FAM107A: variants seen among roughly 807,000 people sequenced by gnomAD.
FAM107A encodes the protein family with sequence similarity 107 member A, also known as actin-associated protein FAM107A.
In FAM107A, 19 loss-of-function variants were observed where a neutral mutation model predicts 13.7. The ratio of observed to expected loss-of-function variants is 1.38; its 90% confidence interval spans 0.97 to 2.03. FAM107A has a LOEUF of 2.03. Ranked by LOEUF, FAM107A falls within the 30% of genes most tolerant of loss-of-function variation. The pLI, the probability that FAM107A is intolerant of heterozygous loss-of-function variation, is 0.00. For synonymous variants in FAM107A, 82 were observed against 74.5 expected (o/e 1.10, Z -0.52); for missense variants, 203 against 184.4 (o/e 1.10, Z -0.58).
intron 1 of FAM107A, among the ~76,000 whole-genome samples, chr3:58,575,098 G>C (rs1224429167): frequency 6.6e-6 from 1 of 152,202 alleles, no homozygotes; most frequent in African/African-American, 2.4e-5. Context: ...CCTCTCCACT[G>C]TTCTGGTAGT....
At chr3:58,587,058 A>C in exon 1 of FAM107A, 1 of 1,365,656 alleles carries the variant, frequency 7.3e-7, no homozygotes, top group Non-Finnish European at 9.4e-7. Flanking sequence ...AACCCCGCTG[A>C]GGGTCAAGTT....
chr3:58,601,656 T>C (rs976862251), intron 1 of FAM107A, among the ~76,000 whole-genome samples: 1 of 152,214 alleles, frequency 6.6e-6, no homozygotes, highest in Non-Finnish European at 1.5e-5. Flanking sequence ...GAGGGTAAAT[T>C]CTTACCATTG....
chr3:58,613,033 C>T lies in FAM107A; in HGVS notation c.-70+14383G>A, dbSNP rs148201192. 2.4e-4 allele frequency among the ~76,000 whole-genome samples: 37 copies of T among 152,244 alleles called. No individual in the cohort carries two copies. Among genetic ancestry groups the T allele is most frequent in the African/African-American group, 7.7e-4 (32 of 41,544 alleles). Reference sequence around the variant, plus strand: ...CTGCTGTCCTTCCCGTTACCTCCTCCAATGGGGCTTCAGTCACCACCTCTC... The same window carrying T: ...CTGCTGTCCTTCCCGTTACCTCCTCTAATGGGGCTTCAGTCACCACCTCTC... On this transcript the variant is annotated intron_variant, in intron 1 of 3. Coordinates refer to the FAM107A transcript ENST00000465970. The surrounding 1 kb of genome is among the most constrained non-coding windows in gnomAD (Gnocchi z 4.6).
intron 1 of FAM107A, among the ~76,000 whole-genome samples, chr3:58,576,537 T>G (rs1047231236): frequency 6.6e-6 from 1 of 152,194 alleles, no homozygotes; most frequent in African/African-American, 2.4e-5. Flanking sequence ...CCACTCAGGA[T>G]CTAAGCCACC....
At chr3:58,580,020 AC>A (rs1447248148), upstream of FAM107A, among the ~76,000 whole-genome samples, 1 of 152,192 alleles carries the variant, frequency 6.6e-6, no homozygotes, top group Non-Finnish European at 1.5e-5. Context: ...TTGTTACAGC[AC>A]CATCTTGCTG....
rs550505486 is a variant in FAM107A, at chr3:58,593,900, T to G, written c.-69-4631A>C. On this transcript the variant is annotated intron_variant, in intron 1 of 3. Transcript: ENST00000465970. The stretch of plus-strand genomic sequence containing the variant: ...GATTTGTTGAGAACTGCCCAGACAT[T>G]TCGCACCAACAAGCTGCCACACTTA... Among the ~76,000 whole-genome samples, 11 of 152,302 alleles carry G rather than the reference T, an allele frequency of 7.2e-5. 2 individuals are homozygous for G. Among genetic ancestry groups the G allele is most frequent in the Admixed American group, 3.9e-4 (6 of 15,304 alleles).
At chr3:58,618,076 G>T (rs966209474) in intron 1 of FAM107A, among the ~76,000 whole-genome samples, 4 of 152,174 alleles carry the variant, frequency 2.6e-5, no homozygotes, top group African/African-American at 9.7e-5. Flanking sequence ...TTCCATGGAA[G>T]TTCAATTATT....
intron 1 of FAM107A, among the ~76,000 whole-genome samples, chr3:58,619,611 A>T (rs9849576): frequency 0.13 from 19,373 of 152,148 alleles, 1,330 homozygotes; most frequent in African/African-American, 0.15. Context: ...GTCCCCCTTC[A>T]GTGCCCCAGG....
Position 58,602,561 on chromosome 3 carries a change from C to T in FAM107A, c.-69-13292G>A, listed in dbSNP as rs116969144. On this transcript the variant is annotated intron_variant, in intron 1 of 3. Transcript: ENST00000465970. ...AAAGATCGGCAATATGGTAAACGTC[C>T]AGCGATAGGGGATTGATTAAATTGT... Among the ~76,000 whole-genome samples, 21 of 152,260 alleles carry T rather than the reference C, an allele frequency of 1.4e-4. No individual in the cohort carries two copies. The East Asian group carries it at 4.0e-3, about 29-fold the overall frequency.
chr3:58,605,786 G>A (rs1204141070), intron 1 of FAM107A, among the ~76,000 whole-genome samples: 1 of 152,128 alleles, frequency 6.6e-6, no homozygotes, highest in Non-Finnish European at 1.5e-5. Context: ...AAATGCTTAA[G>A]CCTTCACTGA....
chr3:58,566,832 G>C (rs2063626642), intron 3 of FAM107A, 137 bp from the exon 4 acceptor site: 1 of 679,166 alleles, frequency 1.5e-6, no homozygotes, highest in Admixed American at 2.4e-5. Flanking sequence ...CTATCAGCCT[G>C]GTAGCTGGGG....
At chr3:58,599,927 C>T (rs1251910031) in intron 1 of FAM107A, among the ~76,000 whole-genome samples, 5 of 151,860 alleles carry the variant, frequency 3.3e-5, no homozygotes, top group Non-Finnish European at 5.9e-5. Flanking sequence ...CCTCCCGCCT[C>T]AGCCTCCCAA....
At chr3:58,592,107 G>C (rs2065658799), upstream of FAM107A, among the ~76,000 whole-genome samples, 1 of 152,216 alleles carries the variant, frequency 6.6e-6, no homozygotes, top group Admixed American at 6.5e-5. Context: ...AGAAGAGGGA[G>C]AGTGTTCGTG....
intron 1 of FAM107A, among the ~76,000 whole-genome samples, chr3:58,570,698 C>T (rs879112411): frequency 2.0e-5 from 3 of 150,378 alleles, no homozygotes; most frequent in Admixed American, 2.0e-4. Context: ...CCATTAGCTG[C>T]TTATAGGAAT....
At chr3:58,567,515 TACAGGG>T (rs2063635019) in intron 2 of FAM107A, 151 bp from the exon 3 acceptor site, 5 of 858,384 alleles carry the variant, frequency 5.8e-6, no homozygotes, top group African/African-American at 1.7e-5. Context: ...TGTCCCATTT[TACAGGG>T]ACAGAAACTG....
At chr3:58,588,078 G>C (rs2065625277), upstream of FAM107A, among the ~76,000 whole-genome samples, 1 of 152,188 alleles carries the variant, frequency 6.6e-6, no homozygotes, top group South Asian at 2.1e-4. Flanking sequence ...CAGCCCTGAA[G>C]GGTGGGTATT....
chr3:58,604,757 T>C lies in FAM107A; in HGVS notation c.-69-15488A>G, dbSNP rs776539104. Reference sequence around the variant, plus strand: ...GACTAGGTGCTTCAGGGTCTTCATCTACTAACTCTGACCTCCAGACCATCT... The same window carrying C: ...GACTAGGTGCTTCAGGGTCTTCATCCACTAACTCTGACCTCCAGACCATCT... On this transcript the variant is annotated intron_variant, in intron 1 of 3. Transcript: ENST00000465970. This position sits in a 1 kb window ranked among gnomAD's most constrained non-coding sequence, Gnocchi z 4.1. Among the ~76,000 whole-genome samples the C allele has an allele frequency of 6.6e-6, 1 of 152,238 alleles. No homozygotes were observed. The highest frequency in any genetic ancestry group is 2.4e-5 in the African/African-American group (1 of 41,468).
exon 1 of FAM107A, chr3:58,587,039 C>T (rs987938663): frequency 2.2e-6 from 3 of 1,375,220 alleles, no homozygotes; most frequent in Non-Finnish European, 2.8e-6. Context: ...GACGCGGCCC[C>T]AAGTCCCAAA....
At chr3:58,619,989 C>T (rs370681759) in intron 1 of FAM107A, among the ~76,000 whole-genome samples, 4 of 152,118 alleles carry the variant, frequency 2.6e-5, no homozygotes, top group South Asian at 2.1e-4. Flanking sequence ...GTCCCTTCCC[C>T]CCAGCCTGAA....
Sources: gnomAD v4.1 joint callset for allele counts (sites outside exome capture counted in the v4.1 genomes callset) on GRCh38, gnomAD v4.1.1 for gene constraint, Gnocchi (gnomAD v3.1) non-coding constraint, MANE v1.5 for transcripts, NCBI Gene and HGNC (gene_info 2026-07-23, HGNC 2026-07-21) for gene names.